MYO10: variants seen among roughly 807,000 people sequenced by gnomAD.
MYO10 encodes unconventional myosin-X.
A neutral mutation model predicts 257.3 loss-of-function variants in MYO10; 133 were observed. The ratio of observed to expected loss-of-function variants is 0.52; its 90% confidence interval spans 0.45 to 0.60. MYO10 has a LOEUF of 0.60. Among genes scored for constraint, MYO10 ranks in the 20% least tolerant of loss-of-function variants. MYO10 has a pLI of 0.00. For missense variants in MYO10, 2,399 were observed against 2,635.7 expected (o/e 0.91, Z 1.97); for synonymous variants, 1,104 against 1,028.6 (o/e 1.07, Z -1.40).
chr5:16,830,679 G>GCATACACACACACACTCACACA (rs1554000805), intron 2 of MYO10, among the ~76,000 whole-genome samples: 21 of 148,920 alleles, frequency 1.4e-4, no homozygotes, highest in African/African-American at 5.2e-4. Context: ...TTTTTAATAG[G>GCATACACACACACACTCACACA]CACACACACA....
intron 3 of MYO10, among the ~76,000 whole-genome samples, chr5:16,813,786 T>G (rs949193739): frequency 6.6e-6 from 1 of 152,116 alleles, no homozygotes; most frequent in Non-Finnish European, 1.5e-5. Flanking sequence ...CAGCCTTTCT[T>G]GGCTGCAGTC....
intron 1 of MYO10, among the ~76,000 whole-genome samples, chr5:16,907,736 G>T (rs1237245467): frequency 6.6e-6 from 1 of 152,192 alleles, no homozygotes; most frequent in Non-Finnish European, 1.5e-5. Flanking sequence ...GTTTTTAAAT[G>T]TAACTATCAT....
At chr5:16,922,659 T>C (rs1416812100) in intron 1 of MYO10, among the ~76,000 whole-genome samples, 1 of 152,072 alleles carries the variant, frequency 6.6e-6, no homozygotes, top group Non-Finnish European at 1.5e-5. Context: ...CAAGGCAAAG[T>C]GTTCATGTAT....
intron 39 of MYO10, among the ~76,000 whole-genome samples, chr5:16,670,193 A>T (rs1736376583): frequency 6.6e-6 from 1 of 152,232 alleles, no homozygotes; most frequent in Non-Finnish European, 1.5e-5. Context: ...CAAAGTTTCT[A>T]ATTTGTATAT....
chr5:16,835,393 C>T (rs974186411), intron 2 of MYO10, among the ~76,000 whole-genome samples: 4 of 149,908 alleles, frequency 2.7e-5, no homozygotes, highest in Admixed American at 1.3e-4. Context: ...ATTAGCCGGG[C>T]GTTGTGGAGC....
chr5:16,704,514 A>G, intron 22 of MYO10, 65 bp downstream of exon 22: 1 of 1,392,016 alleles, frequency 7.2e-7, no homozygotes, highest in Non-Finnish European at 1.0e-6. Context: ...CCACTGGAAC[A>G]CACTGGGAAG....
Position 16,666,686 on chromosome 5 carries a change from C to T in MYO10, c.*6G>A. On this transcript the variant is annotated 3_prime_UTR_variant, in exon 41 of 41. Coordinates refer to ENST00000513610, the MANE Select transcript of MYO10 (RefSeq NM_012334.3). ...GTAGCAAAGACAGGTGGGCTCTGTC[C>T]CGCCTTCACCTGGAGCTGCCCTGGC... The T allele has an allele frequency of 1.3e-6, 2 of 1,591,948 alleles. No individual in the cohort carries two copies. The highest frequency in any genetic ancestry group is 8.5e-7 in the Non-Finnish European group (1 of 1,171,300).
At chr5:16,722,031 T>C (rs42564) in intron 19 of MYO10, among the ~76,000 whole-genome samples, 125,711 of 152,152 alleles carry the variant, frequency 0.83, 52,192 homozygotes, top group Non-Finnish European at 0.85. Context: ...TGTTTCTTGA[T>C]TAAAATGCTC....
At chr5:16,886,900 C>G (rs2562340) in intron 1 of MYO10, among the ~76,000 whole-genome samples, 60,344 of 148,040 alleles carry the variant, frequency 0.41, 12,545 homozygotes, top group Admixed American at 0.47. Context: ...CCACTGCACT[C>G]CAGCATGGGT....
chr5:16,857,765 G>T (rs1008289193), intron 2 of MYO10, among the ~76,000 whole-genome samples: 3 of 152,216 alleles, frequency 2.0e-5, no homozygotes, highest in Non-Finnish European at 2.9e-5. Context: ...AAGCAATTGG[G>T]CTTAACAACA....
intron 11 of MYO10, among the ~76,000 whole-genome samples, chr5:16,765,678 T>C (rs534444238): frequency 3.9e-5 from 6 of 152,350 alleles, no homozygotes; most frequent in Admixed American, 6.5e-5. Flanking sequence ...AGACATTAAA[T>C]GCTCAGCATA....
intron 2 of MYO10, among the ~76,000 whole-genome samples, chr5:16,868,493 A>T (rs1554004582): frequency 6.6e-6 from 1 of 152,024 alleles, no homozygotes; most frequent in Non-Finnish European, 1.5e-5. Flanking sequence ...AGTCCCAGCC[A>T]CTCGGGAGGC....
chr5:16,797,042 T>C (rs1000044593), intron 3 of MYO10, among the ~76,000 whole-genome samples: 5 of 152,174 alleles, frequency 3.3e-5, no homozygotes, highest in African/African-American at 9.7e-5. Context: ...ATCTATACCA[T>C]ATTATAGCAA....
At chr5:16,775,589 TTTTGTTTG>T (rs141350168) in intron 9 of MYO10, among the ~76,000 whole-genome samples, 2 of 150,824 alleles carry the variant, frequency 1.3e-5, no homozygotes, top group South Asian at 2.1e-4. Context: ...GCCTGGCCAA[TTTTGTTTG>T]TTTGTTTGTT....
chr5:16,728,897 G>A (rs898017158), intron 19 of MYO10, among the ~76,000 whole-genome samples: 1 of 152,214 alleles, frequency 6.6e-6, no homozygotes, highest in Admixed American at 6.5e-5. Context: ...TGATGTGGCT[G>A]CATCGTTTTT....
chr5:16,886,133 C>A (rs1461873833), intron 1 of MYO10, among the ~76,000 whole-genome samples: 1 of 152,148 alleles, frequency 6.6e-6, no homozygotes, highest in Admixed American at 6.5e-5. Flanking sequence ...GCCATGTAGG[C>A]CCTGAAAGGA....
At chr5:16,823,626 C>T (rs1464550160) in intron 2 of MYO10, among the ~76,000 whole-genome samples, 1 of 150,748 alleles carries the variant, frequency 6.6e-6, no homozygotes, top group Non-Finnish European at 1.5e-5. Flanking sequence ...CGCCCGCCAC[C>T]ACGCCCAGCT....
chr5:16,815,992 A>G (rs1742594940), intron 3 of MYO10, among the ~76,000 whole-genome samples: 1 of 151,426 alleles, frequency 6.6e-6, no homozygotes. Context: ...GTTTGAAAAC[A>G]TTTGGCAAAC....
intron 1 of MYO10, among the ~76,000 whole-genome samples, chr5:16,929,174 C>T (rs1746227053): frequency 1.3e-5 from 2 of 151,888 alleles, no homozygotes; most frequent in South Asian, 2.1e-4. Context: ...AGGATGGTCT[C>T]CATCTCCTGA....
Sources: gnomAD v4.1 joint callset for allele counts (sites outside exome capture counted in the v4.1 genomes callset) on GRCh38, gnomAD v4.1.1 for gene constraint, MANE v1.5 for transcripts, NCBI Gene and HGNC (gene_info 2026-07-23, HGNC 2026-07-21) for gene names.